Variants in GRM8 observed in about 807,000 individuals in gnomAD.
GRM8 encodes metabotropic glutamate receptor 8.
A neutral mutation model predicts 87.2 loss-of-function variants in GRM8; 47 were observed. That is an observed-to-expected ratio of 0.54 (90% CI 0.43 to 0.69). The LOEUF is 0.69. Ranked by LOEUF, GRM8 falls within the 30% of genes least tolerant of loss-of-function variation. GRM8 has a pLI of 0.00. For missense variants in GRM8, 1,019 were observed against 1,139.2 expected (o/e 0.89, Z 1.52); for synonymous variants, 396 against 404.5 (o/e 0.98, Z 0.25).
At chr7:126,819,894 A>G (rs1000466356) in intron 6 of GRM8, among the ~76,000 whole-genome samples, 6 of 152,004 alleles carry the variant, frequency 3.9e-5, no homozygotes, top group African/African-American at 1.4e-4. Flanking sequence ...AAAAAATTCC[A>G]TAGCAGAGTT....
intron 6 of GRM8, among the ~76,000 whole-genome samples, chr7:126,870,855 G>T (rs74689334): frequency 0.012 from 1,836 of 152,224 alleles, 43 homozygotes; most frequent in African/African-American, 0.042. Context: ...TTGATGTAGG[G>T]TTGCCACAGC....
intron 3 of GRM8, among the ~76,000 whole-genome samples, chr7:126,954,505 A>C (rs1486976123): frequency 1.3e-5 from 2 of 152,192 alleles, no homozygotes; most frequent in Non-Finnish European, 2.9e-5. Flanking sequence ...ATTATTTGTT[A>C]TCTGAAATTC....
At chr7:127,247,533 G>T (rs576772270) in intron 1 of GRM8, among the ~76,000 whole-genome samples, 96 of 151,996 alleles carry the variant, frequency 6.3e-4, no homozygotes, top group African/African-American at 2.3e-3. Context: ...AAAATGCATC[G>T]TATTTCTGTA....
intron 6 of GRM8, among the ~76,000 whole-genome samples, chr7:126,850,926 T>C (rs1797154487): frequency 6.6e-6 from 1 of 152,156 alleles, no homozygotes; most frequent in East Asian, 1.9e-4. Context: ...TCTCATCTAA[T>C]CCCATGACTT....
At chr7:127,142,942 C>T (rs1167089520) in intron 2 of GRM8, among the ~76,000 whole-genome samples, 1 of 152,156 alleles carries the variant, frequency 6.6e-6, no homozygotes, top group African/African-American at 2.4e-5. Context: ...ATTTGAAAGC[C>T]ACTGTTGAGA....
At chr7:127,082,178 A>G (rs905184645) in intron 3 of GRM8, 50 of 152,340 alleles carry the variant, frequency 3.3e-4, no homozygotes, top group African/African-American at 1.2e-3. Flanking sequence ...GATAATCCTG[A>G]AAACATTTTT....
At chr7:127,165,141 GATAT>G (rs3993578) in intron 2 of GRM8, among the ~76,000 whole-genome samples, 707 of 66,404 alleles carry the variant, frequency 0.011, 6 homozygotes, top group Non-Finnish European at 0.015. Context: ...CATGTAAACA[GATAT>G]ATATATATAT....
In GRM8 at chr7:126,903,979, T is replaced by C. The variant is rs1244515135; in HGVS notation, c.1011A>G (p.Ser337=). Reference sequence around the variant, plus strand: ...TCTATGGTGCATTCTTACCATCAATTGATGCTCGTTTGGGCAAAATTGTCA... The same window carrying C: ...TCTATGGTGCATTCTTACCATCAATCGATGCTCGTTTGGGCAAAATTGTCA... The part of the protein sequence containing the change: ...GAVTILPKRA[S]IDGFDRYFRS... The change falls in exon 5 of 11, where the codon TCA becomes TCG. Residue 337 remains serine (S), a synonymous_variant. Transcript: ENST00000339582. 2 of 1,487,642 alleles carry C rather than the reference T, an allele frequency of 1.3e-6. No homozygotes were observed. Among genetic ancestry groups the C allele is most frequent in the Admixed American group, 3.4e-5 (2 of 58,756 alleles). The allele number at this position is 1,487,642 out of a possible 1,614,324, so 92.2% of individuals were successfully genotyped here. A position where few individuals can be genotyped will look rare whatever the true frequency, so the allele number is the denominator to read the frequency against.
At chr7:127,107,842 T>C (rs1825960159) in intron 2 of GRM8, among the ~76,000 whole-genome samples, 1 of 152,154 alleles carries the variant, frequency 6.6e-6, no homozygotes, top group Non-Finnish European at 1.5e-5. Context: ...TGTTCCCTAC[T>C]AGTGGCCAGT....
intron 3 of GRM8, among the ~76,000 whole-genome samples, chr7:126,982,348 A>C (rs778702515): frequency 4.6e-5 from 7 of 152,186 alleles, no homozygotes; most frequent in African/African-American, 7.2e-5. Flanking sequence ...ACCCAGGATC[A>C]ATACTTTGAG....
At chr7:126,647,057 A>G (rs1420748189) in intron 7 of GRM8, among the ~76,000 whole-genome samples, 1 of 152,080 alleles carries the variant, frequency 6.6e-6, no homozygotes, top group Non-Finnish European at 1.5e-5. Context: ...CCCAGTGGGT[A>G]ATGCTGGAAG....
intron 9 of GRM8, among the ~76,000 whole-genome samples, chr7:126,464,555 T>C (rs1804272725): frequency 6.6e-6 from 1 of 151,726 alleles, no homozygotes. Context: ...CTTCCTTCCT[T>C]CCTGACTTCC....
intron 7 of GRM8, among the ~76,000 whole-genome samples, chr7:126,633,691 A>C (rs1801573792): frequency 6.6e-6 from 1 of 152,104 alleles, no homozygotes; most frequent in African/African-American, 2.4e-5. Context: ...ATCCATGTCC[A>C]AAAATACAAT....
chr7:126,551,046 C>CATAAT (rs1368033817), intron 8 of GRM8, among the ~76,000 whole-genome samples: 1 of 151,564 alleles, frequency 6.6e-6, no homozygotes, highest in Non-Finnish European at 1.5e-5. Flanking sequence ...AATAATATAA[C>CATAAT]ATAATATAAT....
At chr7:126,919,993 C>T (rs1332113628) in intron 3 of GRM8, among the ~76,000 whole-genome samples, 1 of 152,120 alleles carries the variant, frequency 6.6e-6, no homozygotes, top group Non-Finnish European at 1.5e-5. Flanking sequence ...TCTTAAAATC[C>T]ACATGTTGAA....
intron 2 of GRM8, among the ~76,000 whole-genome samples, chr7:127,158,763 G>C (rs989352618): frequency 6.6e-6 from 1 of 151,894 alleles, no homozygotes; most frequent in East Asian, 1.9e-4. Context: ...ATGTGAATTC[G>C]TAGGGGGACA....
At chr7:126,692,071 G>C (rs2151374523) in intron 7 of GRM8, among the ~76,000 whole-genome samples, 1 of 152,260 alleles carries the variant, frequency 6.6e-6, no homozygotes, top group East Asian at 1.9e-4. Flanking sequence ...AGGGAAACAT[G>C]CTGAAAAGAA....
intron 3 of GRM8, among the ~76,000 whole-genome samples, chr7:126,931,616 C>G (rs1805779496): frequency 6.6e-6 from 1 of 152,074 alleles, no homozygotes. Flanking sequence ...TTTCAGAGGG[C>G]AGAAGTCTCA....
chr7:127,080,657 A>G (rs1043983311), intron 3 of GRM8: 20 of 152,198 alleles, frequency 1.3e-4, no homozygotes, highest in Non-Finnish European at 2.5e-4. Flanking sequence ...TTAAAAAAAA[A>G]AATGGAGAGA....
Sources: allele counts gnomAD v4.1 joint callset (sites outside exome capture counted in the v4.1 genomes callset), GRCh38; gene constraint gnomAD v4.1.1; transcripts MANE v1.5; gene names NCBI Gene and HGNC (gene_info 2026-07-23, HGNC 2026-07-21).